The following GABBR1 variants were observed in gnomAD, a reference collection of about 807,000 sequenced individuals.
GABBR1 encodes the protein GABA-B receptor, R1 subunit.
In GABBR1, 35 loss-of-function variants were observed where a neutral mutation model predicts 117.7. The ratio of observed to expected loss-of-function variants is 0.30; its 90% CI spans 0.23 to 0.39. The LOEUF (loss-of-function observed/expected upper bound fraction) is 0.39. GABBR1 is among the 10% of genes least tolerant of loss of function. The pLI is 1.00. For missense variants in GABBR1, 709 were observed against 1,241.8 expected (o/e 0.57, Z 6.45); for synonymous variants, 442 against 486.6 (o/e 0.91, Z 1.21).
rs1442876942 is a variant in GABBR1, at chr6:29,611,979, T to C, written c.1630+572A>G. ...GGAAGCCACTGGGAAAGAGAGTAGC[T>C]GTTTTTAATTTGCATGTCTCTTTTC... On this transcript the variant is annotated intron_variant, in intron 13 of 22. Coordinates refer to ENST00000377034, the MANE Select transcript of GABBR1 (RefSeq NM_001470.4). The surrounding 1 kb of genome is among the most constrained non-coding windows in gnomAD (Gnocchi z 4.6). Among the ~76,000 whole-genome samples, 1 of 152,116 alleles carries C rather than the reference T, an allele frequency of 6.6e-6. No individual in the cohort carries two copies. Among genetic ancestry groups the C allele is most frequent in the Non-Finnish European group, 1.5e-5 (1 of 68,018 alleles).
intron 4 of GABBR1, 85 bp from the exon 5 acceptor site, chr6:29,629,192 C>A: frequency 1.4e-6 from 2 of 1,469,834 alleles, no homozygotes; most frequent in South Asian, 2.3e-5. Context: ...CCTCCCACAC[C>A]TGTCCATGCT....
At chr6:29,608,864 G>A in intron 15 of GABBR1, 131 bp from the exon 16 acceptor site, 2 of 1,020,356 alleles carry the variant, frequency 2.0e-6, no homozygotes, top group South Asian at 1.6e-5. Context: ...AGACAGGATT[G>A]GAGAAGACAG....
chr6:29,622,024 C>A lies in GABBR1; in HGVS notation c.1065+80G>T. ...TCAGAGAATCAAAACCTGCCCCCGC[C>A]TGGCTTTCCTCTCCAACCAGTCACT... On this transcript the variant is annotated intron_variant, in intron 9 of 22. Coordinates refer to ENST00000377034, the MANE Select transcript of GABBR1 (RefSeq NM_001470.4). This position sits in a 1 kb window ranked among gnomAD's most constrained non-coding sequence, Gnocchi z 4.6. 1 of 1,314,366 alleles carries A rather than the reference C, an allele frequency of 7.6e-7. No individual in the cohort carries two copies. The highest frequency in any genetic ancestry group is 1.2e-5 in the South Asian group (1 of 83,852). 81.4% of individuals were successfully genotyped at this position (1,314,366 alleles called of 1,614,324 possible). A position where few individuals can be genotyped will look rare whatever the true frequency, so the allele number is the denominator to read the frequency against.
chr6:29,621,259 C>T lies in GABBR1; in HGVS notation c.1165G>A (p.Val389Ile), dbSNP rs1454588749. Residue 389 changes from valine to isoleucine, a missense_variant, in exon 11 of 23, where the codon GTC (valine) becomes ATC (isoleucine). By Grantham distance (29) the Val-to-Ile change is conservative. Coordinates refer to ENST00000377034, the MANE Select transcript of GABBR1 (RefSeq NM_001470.4). This position sits in a 1 kb window ranked among gnomAD's most constrained non-coding sequence, Gnocchi z 5.0. ...GCATACCACCCAATGAGGAACCAGA[C>T]GTACTTCTTCCCAAAGAGACGCTCC... ...YKERLFGKKY[V>I]WFLIGWYADN... 2.5e-6 allele frequency: 4 copies of T among 1,613,062 alleles called. No individual in the cohort carries two copies. Among genetic ancestry groups the T allele is most frequent in the Non-Finnish European group, 2.5e-6 (3 of 1,180,004 alleles).
chr6:29,627,923 G>T lies in GABBR1; in HGVS notation c.497-277C>A. On this transcript the variant is annotated intron_variant, in intron 5 of 22. Transcript: ENST00000377034. The surrounding 1 kb of genome is among the most constrained non-coding windows in gnomAD (Gnocchi z 4.4). ...ATTTTGTGGGGAGGAGGGGGCGAGG[G>T]CCCCGGAGAAGCAGGGAAGGTTGGC... is the stretch of plus-strand genomic sequence containing the variant. The T allele has an allele frequency of 7.4e-7, 1 of 1,360,294 alleles. No individual in the cohort carries two copies. The highest frequency in any genetic ancestry group is 9.4e-7 in the Non-Finnish European group (1 of 1,065,558). 84.3% of individuals were successfully genotyped at this position (1,360,294 alleles called of 1,614,324 possible).
chr6:29,630,396 C>A lies in GABBR1; in HGVS notation c.475+62G>T. ...CATTCTTTCCCATTATCCATTCCCA[C>A]CCCACTCCCATCCTCACACAAGCGT... On this transcript the variant is annotated intron_variant, in intron 4 of 22. Transcript: ENST00000377034. The surrounding 1 kb of genome is among the most constrained non-coding windows in gnomAD (Gnocchi z 4.9). 1.4e-6 allele frequency: 2 copies of A among 1,433,808 alleles called. No individual in the cohort carries two copies. The highest frequency in any genetic ancestry group is 2.0e-6 in the Non-Finnish European group (2 of 1,024,398). The allele number at this position is 1,433,808 out of a possible 1,614,324, so 88.8% of individuals were successfully genotyped here. A position where few individuals can be genotyped will look rare whatever the true frequency, so the allele number is the denominator to read the frequency against.
At chr6:29,619,007 C>T (rs1763469859) in intron 11 of GABBR1, among the ~76,000 whole-genome samples, 1 of 152,084 alleles carries the variant, frequency 6.6e-6, no homozygotes, top group Non-Finnish European at 1.5e-5. Context: ...AGGTGTGATC[C>T]CCAGACCAGT....
intron 13 of GABBR1, 22 bp downstream of exon 13, chr6:29,612,529 C>T: frequency 6.2e-7 from 1 of 1,611,462 alleles, no homozygotes; most frequent in Non-Finnish European, 8.5e-7. Flanking sequence ...CATGTCCGGT[C>T]CCCTCCTGCC....
chr6:29,607,712 C>T lies in GABBR1; in HGVS notation c.1993-494G>A, dbSNP rs1762108283. Among the ~76,000 whole-genome samples, 1 of 152,230 alleles carries T rather than the reference C, an allele frequency of 6.6e-6. No homozygotes were observed. The highest frequency in any genetic ancestry group is 2.1e-4 in the South Asian group (1 of 4,834). On this transcript the variant is annotated intron_variant, in intron 16 of 22. Transcript: ENST00000377034. This position sits in a 1 kb window ranked among gnomAD's most constrained non-coding sequence, Gnocchi z 5.0. ...CCTATGCCCCTGAAGTAGCCTTCCTCTATTTCTCTAGCTGATAAAATCCTA... is the reference window on the plus strand; with the variant it reads ...CCTATGCCCCTGAAGTAGCCTTCCTTTATTTCTCTAGCTGATAAAATCCTA...
intron 13 of GABBR1, 73 bp downstream of exon 13, chr6:29,612,478 C>T (rs1358324386): frequency 1.5e-6 from 2 of 1,322,222 alleles, no homozygotes; most frequent in Non-Finnish European, 2.2e-6. Flanking sequence ...CTCTGGCATT[C>T]TTCCCCAGGG....
intron 5 of GABBR1, among the ~76,000 whole-genome samples, chr6:29,628,584 A>G (rs1455564646): frequency 6.8e-6 from 1 of 147,646 alleles, no homozygotes; most frequent in Non-Finnish European, 1.5e-5. Flanking sequence ...AGGACATGGA[A>G]TTGAGAAAAG....
chr6:29,611,860 T>A lies in GABBR1; in HGVS notation c.1630+691A>T, dbSNP rs1259863097. 1.3e-5 allele frequency among the ~76,000 whole-genome samples: 2 copies of A among 151,370 alleles called. No homozygotes were observed. The highest frequency in any genetic ancestry group is 2.9e-5 in the Non-Finnish European group (2 of 67,858). ...TTGGCAGATTCCCTTAAAAAAAAAA[T>A]AGCGGTTCTCCTAGATTCAGCTTTC... On this transcript the variant is annotated intron_variant, in intron 13 of 22. Coordinates refer to ENST00000377034, the MANE Select transcript of GABBR1 (RefSeq NM_001470.4). The surrounding 1 kb of genome is among the most constrained non-coding windows in gnomAD (Gnocchi z 4.6).
chr6:29,602,915 T>A lies in GABBR1; in HGVS notation c.*628A>T. ...GGAAAAGCGTGTGTACACATGAGCA[T>A]GTTCAGTGGGCACACGCAGGAGAGG... On this transcript the variant is annotated 3_prime_UTR_variant, in exon 23 of 23. Coordinates refer to ENST00000377034, the MANE Select transcript of GABBR1 (RefSeq NM_001470.4). 1 of 436,044 alleles carries A rather than the reference T, an allele frequency of 2.3e-6. No individual in the cohort carries two copies. Among genetic ancestry groups the A allele is most frequent in the South Asian group, 1.7e-5 (1 of 60,554 alleles). The allele number at this position is 436,044 out of a possible 1,614,324, so 27.0% of individuals were successfully genotyped here.
chr6:29,618,077 A>G (rs1763358631), intron 11 of GABBR1, among the ~76,000 whole-genome samples: 2 of 152,206 alleles, frequency 1.3e-5, no homozygotes, highest in East Asian at 1.9e-4. Context: ...GTCTCTGTAC[A>G]TGAGACTGCC....
chr6:29,621,857 G>A lies in GABBR1; in HGVS notation c.1066-40C>T, dbSNP rs199913163. On this transcript the variant is annotated intron_variant, in intron 9 of 22. Transcript: ENST00000377034. This position sits in a 1 kb window ranked among gnomAD's most constrained non-coding sequence, Gnocchi z 5.0. ...GAAACAGCTCCTGAGGGATGCCCGG[G>A]AATGCCTGAGGGGCTAAGCCAGATG... 1.9e-6 allele frequency: 3 copies of A among 1,602,196 alleles called. No individual in the cohort carries two copies. Among genetic ancestry groups the A allele is most frequent in the Admixed American group, 3.3e-5 (2 of 59,956 alleles).
rs957783076 is a variant in GABBR1, at chr6:29,622,215, G to A, written c.964-10C>T. The A allele has an allele frequency of 7.5e-6, 12 of 1,603,190 alleles. No homozygotes were observed. Among genetic ancestry groups the A allele is most frequent in the South Asian group, 1.1e-5 (1 of 90,840 alleles). On this transcript the variant is annotated splice_polypyrimidine_tract_variant and intron_variant, in intron 8 of 22. Transcript: ENST00000377034. The surrounding 1 kb of genome is among the most constrained non-coding windows in gnomAD (Gnocchi z 4.6). ...CCAGGTCGTCCAGAGTCTTGGGTGGGAATAAAAAACAAGTTGGAAAAACAC... is the reference window on the plus strand; with the variant it reads ...CCAGGTCGTCCAGAGTCTTGGGTGGAAATAAAAAACAAGTTGGAAAAACAC...
rs1261056569 is a variant in GABBR1 at position 29,612,597 on chromosome 6, A to G, written c.1584T>C (p.Asp528=). 6.2e-7 allele frequency: 1 copy of G among 1,614,002 alleles called. No individual in the cohort carries two copies. The highest frequency in any genetic ancestry group is 8.5e-7 in the Non-Finnish European group (1 of 1,180,012). ...FEGVSGHVVF[D]ASGSRMAWTL... is the part of the protein sequence containing the mutation. Reference sequence around the variant, plus strand: ...TCCATGCCATCCGAGAGCCGCTGGCATCAAACACCACATGGCCCTGAGGGA... The same window carrying G: ...TCCATGCCATCCGAGAGCCGCTGGCGTCAAACACCACATGGCCCTGAGGGA... Residue 528 remains aspartate, a synonymous_variant, in exon 13 of 23, where the codon GAT becomes GAC. Coordinates refer to ENST00000377034, the MANE Select transcript of GABBR1 (RefSeq NM_001470.4).
rs369507173 is a variant in GABBR1 at position 29,613,644 on chromosome 6, C to T, written c.1324-159G>A. On this transcript the variant is annotated intron_variant, in intron 11 of 22. Transcript: ENST00000377034. This position sits in a 1 kb window ranked among gnomAD's most constrained non-coding sequence, Gnocchi z 4.1. ...TACATTCAAAATCTTTAACTATACC[C>T]ATGTGTCTGCCTTAGATCGGAAGCT... 7.2e-5 allele frequency among the ~76,000 whole-genome samples: 11 copies of T among 152,310 alleles called. No individual in the cohort carries two copies. In the South Asian group the frequency reaches 8.3e-4, roughly 11 times the overall value.
chr6:29,613,507 G>A lies in GABBR1; in HGVS notation c.1324-22C>T. The A allele has an allele frequency of 1.9e-6, 3 of 1,609,138 alleles. No homozygotes were observed. Among genetic ancestry groups the A allele is most frequent in the South Asian group, 1.1e-5 (1 of 90,844 alleles). On this transcript the variant is annotated intron_variant, in intron 11 of 22. Coordinates refer to ENST00000377034, the MANE Select transcript of GABBR1 (RefSeq NM_001470.4). This position sits in a 1 kb window ranked among gnomAD's most constrained non-coding sequence, Gnocchi z 4.1. ...ATGTCTTGGGAGGAAAAAATCATGA[G>A]GAAAGAACTGAAATGTGTGTGGGTG...
Sources: allele counts gnomAD v4.1 joint callset (sites outside exome capture counted in the v4.1 genomes callset), GRCh38; gene constraint gnomAD v4.1.1; non-coding constraint Gnocchi (gnomAD v3.1); transcripts MANE v1.5; gene names NCBI Gene and HGNC (gene_info 2026-07-23, HGNC 2026-07-21).